The following PHEX variants were observed in gnomAD, a reference collection of about 807,000 sequenced individuals.
PHEX encodes the protein phosphate-regulating neutral endopeptidase PHEX.
In PHEX, 16 loss-of-function variants were observed where a neutral mutation model predicts 68.0. The ratio of observed to expected loss-of-function variants is 0.24; its 90% CI spans 0.16 to 0.36. The LOEUF is 0.36. Among genes scored for constraint, PHEX ranks in the 10% least tolerant of loss-of-function variants. The pLI is 1.00. For synonymous variants in PHEX, 208 were observed against 205.1 expected (o/e 1.01, Z -0.12); for missense variants, 480 against 575.5 (o/e 0.83, Z 1.70).
At chrX:22,155,333 C>A (rs1485023634) in intron 12 of PHEX, among the ~76,000 whole-genome samples, 1 of 112,387 alleles carries the variant, frequency 8.9e-6, no homozygotes, top group East Asian at 2.8e-4. Flanking sequence ...AAGAGCTAAC[C>A]TTAAAGGAAA....
At chrX:22,106,784 A>AAAAAG (rs1930714222) in intron 9 of PHEX, among the ~76,000 whole-genome samples, 1 of 107,676 alleles carries the variant, frequency 9.3e-6, no homozygotes, top group African/African-American at 3.5e-5. Context: ...GTCTCAAAAA[A>AAAAAG]AAAAAAAAAA....
intron 14 of PHEX, among the ~76,000 whole-genome samples, chrX:22,179,814 T>G (rs1933828189): frequency 8.9e-6 from 1 of 111,758 alleles, no homozygotes; most frequent in African/African-American, 3.2e-5. Context: ...AATAGTCACT[T>G]TCAAGTCTTT....
At chrX:22,212,332 C>T (rs1299465518) in intron 15 of PHEX, among the ~76,000 whole-genome samples, 3 of 111,275 alleles carry the variant, frequency 2.7e-5, no homozygotes, top group Admixed American at 1.9e-4. Context: ...GAGTCCTGTG[C>T]TCCTGGGGCA....
At chrX:22,244,195 A>G (rs913018919) in intron 20 of PHEX, among the ~76,000 whole-genome samples, 2 of 111,225 alleles carry the variant, frequency 1.8e-5, no homozygotes, top group African/African-American at 6.6e-5. Flanking sequence ...AGAAAACCAA[A>G]CACCACATGT....
chrX:22,127,170 C>A (rs962691293), intron 11 of PHEX, among the ~76,000 whole-genome samples: 7 of 110,690 alleles, frequency 6.3e-5, no homozygotes, highest in African/African-American at 2.3e-4. Context: ...TTGCGCCCTG[C>A]CCCTGAAATA....
intron 3 of PHEX, among the ~76,000 whole-genome samples, chrX:22,067,553 C>G (rs190441892): frequency 6.2e-4 from 69 of 111,541 alleles, no homozygotes; most frequent in African/African-American, 2.2e-3. Flanking sequence ...TCAGTAAAGA[C>G]AGGACAAAAG....
rs1569099789 is a variant in PHEX at position 22,249,441 on chromosome X, T to TAA, written c.*1488_*1489insAA. 3.5e-5 allele frequency: 1 copy of TAA among 28,271 alleles called. No individual in the cohort carries two copies. Among genetic ancestry groups the TAA allele is most frequent in the Non-Finnish European group, 5.6e-5 (1 of 17,942 alleles). The allele number at this position is 28,271 out of a possible 1,213,427, so 2.3% of individuals were successfully genotyped here. A position where few individuals can be genotyped will look rare whatever the true frequency, so the allele number is the denominator to read the frequency against. On this transcript the variant is annotated 3_prime_UTR_variant, in exon 22 of 22. Coordinates refer to ENST00000379374, the MANE Select transcript of PHEX (RefSeq NM_000444.6). ...TGTGTCCCTGTGATTTGTGATTCTT[T>TAA]TAAAAAAAAAAAAAATATATATATA...
chrX:22,048,772 T>C (rs775831113), intron 3 of PHEX, among the ~76,000 whole-genome samples: 1 of 112,032 alleles, frequency 8.9e-6, no homozygotes, highest in East Asian at 2.8e-4. Context: ...AGGGTTTTTG[T>C]ATTTGCTAGC....
chrX:22,164,260 T>A (rs1009424878), intron 12 of PHEX, among the ~76,000 whole-genome samples: 5 of 111,568 alleles, frequency 4.5e-5, no homozygotes, highest in African/African-American at 1.6e-4. Context: ...GACAACGAAG[T>A]CTGTGGCAGA....
At chrX:22,080,880 A>C (rs931973380) in intron 5 of PHEX, among the ~76,000 whole-genome samples, 1 of 111,865 alleles carries the variant, frequency 8.9e-6, no homozygotes, top group African/African-American at 3.2e-5. Flanking sequence ...ATTTACTTTT[A>C]ATCGTCATTG....
chrX:22,132,173 T>C (rs1301633738), intron 11 of PHEX, among the ~76,000 whole-genome samples: 1 of 111,670 alleles, frequency 9.0e-6, no homozygotes, highest in Non-Finnish European at 1.9e-5. Flanking sequence ...AGTCATAGCT[T>C]ACTGCAGCCT....
chrX:22,185,760 T>TTTG (rs557457210), intron 14 of PHEX, among the ~76,000 whole-genome samples: 1 of 68,202 alleles, frequency 1.5e-5, no homozygotes, highest in Non-Finnish European at 3.3e-5. Flanking sequence ...TTTGTGGTTT[T>TTTG]TTTTTTTTTT....
At chrX:22,167,491 C>CTTTTTTTTTTTTTTTTTTTTT (rs1164658740) in intron 12 of PHEX, among the ~76,000 whole-genome samples, 1 of 84,108 alleles carries the variant, frequency 1.2e-5, no homozygotes, top group Non-Finnish European at 2.3e-5. Context: ...TTTTTAATTT[C>CTTTTTTTTTTTTTTTTTTTTT]TTTTTTTTTT....
chrX:22,111,697 T>C, intron 10 of PHEX, 137 bp downstream of exon 10: 2 of 427,340 alleles, frequency 4.7e-6, no homozygotes, highest in South Asian at 3.4e-5. Flanking sequence ...CTATTGTTTT[T>C]GTGTGTGTGT....
At chrX:22,152,105 A>G (rs1932864397) in intron 12 of PHEX, among the ~76,000 whole-genome samples, 1 of 112,109 alleles carries the variant, frequency 8.9e-6, no homozygotes, top group Non-Finnish European at 1.9e-5. Flanking sequence ...ATGTTGGGAA[A>G]ACATGAAATT....
chrX:22,082,145 C>T (rs969507746), intron 5 of PHEX, among the ~76,000 whole-genome samples: 12 of 111,814 alleles, frequency 1.1e-4, no homozygotes, highest in South Asian at 3.7e-4. Flanking sequence ...TTTATTGATA[C>T]GTAACTACAC....
intron 12 of PHEX, among the ~76,000 whole-genome samples, chrX:22,159,155 A>G (rs774168816): frequency 8.8e-6 from 1 of 113,532 alleles, no homozygotes; most frequent in African/African-American, 3.2e-5. Context: ...TTGAGCATGG[A>G]TCAGTTTGGA....
At chrX:22,097,512 A>G (rs763790882) in intron 8 of PHEX, among the ~76,000 whole-genome samples, 1 of 111,798 alleles carries the variant, frequency 8.9e-6, no homozygotes, top group South Asian at 3.8e-4. Context: ...ACTAGGAAAA[A>G]CAAACAAGCC....
intron 5 of PHEX, among the ~76,000 whole-genome samples, chrX:22,085,093 T>C (rs1219916928): frequency 1.8e-5 from 2 of 112,148 alleles, no homozygotes; most frequent in Non-Finnish European, 3.8e-5. Flanking sequence ...TGAATTGTTA[T>C]TTGAAGTCTT....
Sources: gnomAD v4.1 joint callset for allele counts (sites outside exome capture counted in the v4.1 genomes callset) on GRCh38, gnomAD v4.1.1 for gene constraint, MANE v1.5 for transcripts, NCBI Gene and HGNC (gene_info 2026-07-23, HGNC 2026-07-21) for gene names.